Variants in SMARCAL1 observed in about 807,000 individuals in gnomAD.
The protein encoded by SMARCAL1 is SNF2 related chromatin remodeling annealing helicase 1.
A neutral mutation model predicts 94.5 loss-of-function variants in SMARCAL1; 58 were observed. That is an observed-to-expected ratio of 0.61 (90% CI 0.50 to 0.76). SMARCAL1 has a LOEUF of 0.76. Among genes scored for constraint, SMARCAL1 ranks in the 30% least tolerant of loss-of-function variants. The pLI is 0.00. For synonymous variants in SMARCAL1, 422 were observed against 455.1 expected (o/e 0.93, Z 0.93); for missense variants, 1,051 against 1,177.9 (o/e 0.89, Z 1.58).
intron 13 of SMARCAL1, among the ~76,000 whole-genome samples, chr2:216,467,164 A>G (rs1694846009): frequency 6.6e-6 from 1 of 152,196 alleles, no homozygotes; most frequent in African/African-American, 2.4e-5. Flanking sequence ...CTTAAGGCCA[A>G]GCGAAAGATA....
chr2:216,440,697 C>G (rs1418572411), intron 10 of SMARCAL1, among the ~76,000 whole-genome samples: 2 of 152,130 alleles, frequency 1.3e-5, no homozygotes, highest in African/African-American at 4.8e-5. Context: ...GTTAACCGAA[C>G]CTTTCATCTC....
chr2:216,467,146 G>A (rs1694845807), intron 13 of SMARCAL1, among the ~76,000 whole-genome samples: 1 of 152,150 alleles, frequency 6.6e-6, no homozygotes, highest in Non-Finnish European at 1.5e-5. Context: ...CTCCCTGAGG[G>A]TAGCCACCTT....
chr2:216,460,263 T>C (rs1694665544), intron 12 of SMARCAL1, among the ~76,000 whole-genome samples: 3 of 152,230 alleles, frequency 2.0e-5, no homozygotes, highest in Non-Finnish European at 4.4e-5. Context: ...TCAACCACTG[T>C]GGAAGTCAGT....
intron 7 of SMARCAL1, among the ~76,000 whole-genome samples, chr2:216,430,250 G>A (rs1693934733): frequency 6.6e-6 from 1 of 151,942 alleles, no homozygotes; most frequent in Non-Finnish European, 1.5e-5. Flanking sequence ...AAGAGGTGGG[G>A]GTTTGGCATT....
At chr2:216,426,433 A>G (rs909050018) in intron 6 of SMARCAL1, among the ~76,000 whole-genome samples, 3 of 152,226 alleles carry the variant, frequency 2.0e-5, no homozygotes, top group African/African-American at 7.2e-5. Flanking sequence ...ACCCAGAAAA[A>G]AATGCACATA....
chr2:216,412,782 G>C (rs1369324212), intron 1 of SMARCAL1, 134 bp downstream of exon 1: 4 of 152,564 alleles, frequency 2.6e-5, no homozygotes, highest in African/African-American at 9.6e-5. Context: ...CGTGGCGCCC[G>C]CTTACCTTGA....
rs376367680 is a variant in SMARCAL1 at position 216,468,404 on chromosome 2, C to T, written c.2244+358C>T. On this transcript the variant is annotated intron_variant, in intron 14 of 17. Coordinates refer to ENST00000357276, the MANE Select transcript of SMARCAL1 (RefSeq NM_014140.4). ...ATTTATGTGAATGTTTTCCTCTTTT[C>T]CTTCCTTTCATTCCTCCTCAGCACT... Among the ~76,000 whole-genome samples the T allele has an allele frequency of 1.5e-4, 23 of 152,282 alleles. No homozygotes were observed. In the East Asian group the frequency reaches 2.9e-3, roughly 19 times the overall value.
intron 11 of SMARCAL1, among the ~76,000 whole-genome samples, chr2:216,449,710 G>C (rs536630246): frequency 6.6e-6 from 1 of 152,264 alleles, no homozygotes; most frequent in South Asian, 2.1e-4. Context: ...TCATCAGCCA[G>C]GAGGGGAGAT....
chr2:216,434,242 C>T (rs1311871352), intron 8 of SMARCAL1, among the ~76,000 whole-genome samples: 3 of 152,106 alleles, frequency 2.0e-5, no homozygotes, highest in African/African-American at 4.8e-5. Flanking sequence ...AAAAGGCCAG[C>T]CCTCCCTGTA....
At chr2:216,431,861 G>A (rs192855011) in intron 7 of SMARCAL1, among the ~76,000 whole-genome samples, 47 of 152,208 alleles carry the variant, frequency 3.1e-4, no homozygotes, top group Admixed American at 7.2e-4. Flanking sequence ...CTTCCTGTTG[G>A]ACAAGCACCC....
intron 10 of SMARCAL1, among the ~76,000 whole-genome samples, chr2:216,441,529 C>G (rs115882525): frequency 0.018 from 2,719 of 152,302 alleles, 89 homozygotes; most frequent in African/African-American, 0.06. Context: ...TTTTCAATAA[C>G]TATGGAGCAT....
At chr2:216,460,380 T>C (rs1694667307) in intron 12 of SMARCAL1, among the ~76,000 whole-genome samples, 1 of 152,296 alleles carries the variant, frequency 6.6e-6, no homozygotes, top group Admixed American at 6.5e-5. Flanking sequence ...TAAAGACACA[T>C]GCATATGTAT....
rs1378058989 is a variant in SMARCAL1 at position 216,415,378 on chromosome 2, A to G, written c.674A>G (p.Lys225Arg). 1.9e-6 allele frequency: 3 copies of G among 1,614,238 alleles called. No homozygotes were observed. The highest frequency in any genetic ancestry group is 2.5e-6 in the Non-Finnish European group (3 of 1,180,032). ...AGGACAGAAGGAAGACTCCAGCAGAAGTCAGGGTCCTCAGTCCAAAAAGGA... is the reference window on the plus strand; with the variant it reads ...AGGACAGAAGGAAGACTCCAGCAGAGGTCAGGGTCCTCAGTCCAAAAAGGA... ...TPRTEGRLQQKSGSSVQKGVN... is the reference protein window; with the variant it reads ...TPRTEGRLQQRSGSSVQKGVN... Residue 225 changes from lysine (K) to arginine (R), a missense_variant, in exon 3 of 18, where the codon AAG (lysine) becomes AGG (arginine). Physicochemically the swap from Lys to Arg is conservative, Grantham distance 26 (BLOSUM62 2). Transcript: ENST00000357276.
chr2:216,446,379 G>T (rs1398153404), intron 10 of SMARCAL1, among the ~76,000 whole-genome samples: 1 of 152,226 alleles, frequency 6.6e-6, no homozygotes, highest in Non-Finnish European at 1.5e-5. Flanking sequence ...AGGATCTGTA[G>T]GCTTGAAGCA....
intron 17 of SMARCAL1, among the ~76,000 whole-genome samples, chr2:216,480,475 C>T (rs1574487212): frequency 6.6e-6 from 1 of 152,162 alleles, no homozygotes; most frequent in Non-Finnish European, 1.5e-5. Flanking sequence ...AATAGGCTGC[C>T]TTGCAGGGTG....
At chr2:216,416,705 C>A (rs1693611743) in intron 4 of SMARCAL1, among the ~76,000 whole-genome samples, 1 of 152,222 alleles carries the variant, frequency 6.6e-6, no homozygotes, top group South Asian at 2.1e-4. Flanking sequence ...ACTACACGTT[C>A]CCACCAGACT....
intron 12 of SMARCAL1, among the ~76,000 whole-genome samples, chr2:216,451,982 A>G (rs1158741181): frequency 1.3e-5 from 2 of 152,230 alleles, no homozygotes; most frequent in Non-Finnish European, 2.9e-5. Flanking sequence ...GACAGAATGC[A>G]TGTTTTTCAT....
At chr2:216,430,798 C>T (rs1305407375) in intron 7 of SMARCAL1, among the ~76,000 whole-genome samples, 3 of 152,216 alleles carry the variant, frequency 2.0e-5, no homozygotes, top group East Asian at 1.9e-4. Context: ...CCATGGATTC[C>T]GTTGCTTAGG....
chr2:216,422,106 C>T, intron 5 of SMARCAL1, among the ~76,000 whole-genome samples: 1 of 152,048 alleles, frequency 6.6e-6, no homozygotes, highest in South Asian at 2.1e-4. Context: ...CAACTACGGG[C>T]CGGGTGTTGT....
Sources: gnomAD v4.1 joint callset for allele counts (sites outside exome capture counted in the v4.1 genomes callset) on GRCh38, gnomAD v4.1.1 for gene constraint, MANE v1.5 for transcripts, NCBI Gene and HGNC (gene_info 2026-07-23, HGNC 2026-07-21) for gene names.